UBXN4: variants seen among roughly 807,000 people sequenced by gnomAD.
UBXN4 encodes UBX domain-containing protein 4.
Under a neutral mutation model 66.2 loss-of-function variants are expected in UBXN4, and 35 were observed. The ratio of observed to expected loss-of-function variants is 0.53; its 90% CI spans 0.40 to 0.70. The LOEUF is 0.70. Among genes scored for constraint, UBXN4 ranks in the 30% least tolerant of loss-of-function variants. The pLI is 0.00. For synonymous variants in UBXN4, 203 were observed against 204.5 expected (o/e 0.99, Z 0.06); for missense variants, 533 against 599.8 (o/e 0.89, Z 1.16).
chr2:135,765,106 G>C (rs371300842), intron 6 of UBXN4, among the ~76,000 whole-genome samples: 1 of 151,868 alleles, frequency 6.6e-6, no homozygotes, highest in African/African-American at 2.4e-5. Context: ...GAGCCACCAC[G>C]TCTGGCCAGG....
chr2:135,773,340 C>G (rs1447906169), intron 9 of UBXN4, among the ~76,000 whole-genome samples: 2 of 152,170 alleles, frequency 1.3e-5, no homozygotes, highest in Non-Finnish European at 2.9e-5. Flanking sequence ...GAGAAACTCT[C>G]CAAATGGTGT....
intron 6 of UBXN4, among the ~76,000 whole-genome samples, chr2:135,768,760 G>A (rs543582372): frequency 3.3e-5 from 5 of 150,836 alleles, no homozygotes; most frequent in Admixed American, 6.6e-5. Flanking sequence ...ACAGCGTTTC[G>A]CCGTGTTGGC....
intron 6 of UBXN4, among the ~76,000 whole-genome samples, chr2:135,767,564 G>A (rs1462968503): frequency 1.3e-5 from 2 of 152,088 alleles, no homozygotes; most frequent in Non-Finnish European, 1.5e-5. Context: ...TGTATTTTGA[G>A]GCTTATCCGT....
At chr2:135,776,832 A>G (rs1157680134) in intron 10 of UBXN4, among the ~76,000 whole-genome samples, 1 of 152,042 alleles carries the variant, frequency 6.6e-6, no homozygotes, top group African/African-American at 2.4e-5. Context: ...GGGCTCAAGC[A>G]TTCCTCCCAC....
chr2:135,748,334 A>G lies in UBXN4; in HGVS notation c.150A>G (p.Ser50=). The change falls in exon 2 of 13, where the codon TCA becomes TCG. Residue 50 remains serine (S), a synonymous_variant. Coordinates refer to ENST00000272638, the MANE Select transcript of UBXN4 (RefSeq NM_014607.4). ...ATGATAAAGTTACAGAAGCATCTTC[A>G]AACAGTTTTGTTGCTATTAAAATCG... ...WEDDKVTEAS[S]NSFVAIKIDT... 4 of 1,607,244 alleles carry G rather than the reference A, an allele frequency of 2.5e-6. No homozygotes were observed. The highest frequency in any genetic ancestry group is 3.4e-6 in the Non-Finnish European group (4 of 1,176,558).
intron 2 of UBXN4, among the ~76,000 whole-genome samples, chr2:135,752,378 C>T (rs111689113): frequency 3.3e-5 from 5 of 152,072 alleles, no homozygotes; most frequent in Admixed American, 6.5e-5. Context: ...GACAGGGTTT[C>T]GCCATGTTGG....
At chr2:135,744,138 C>T (rs987547007) in intron 1 of UBXN4, among the ~76,000 whole-genome samples, 13 of 152,204 alleles carry the variant, frequency 8.5e-5, no homozygotes, top group Non-Finnish European at 1.3e-4. Context: ...GAGCTTTCTT[C>T]ATAACTCTGA....
Position 135,755,500 on chromosome 2 carries a change from A to G in UBXN4, c.334-17A>G, listed in dbSNP as rs771220594. On this transcript the variant is annotated splice_polypyrimidine_tract_variant and intron_variant, in intron 4 of 12. Transcript: ENST00000272638. ...ATTCTTATCTATTAATTAAAATCCA[A>G]TTTATTTTCTGCCTAGATGCATTTG... is the stretch of plus-strand genomic sequence containing the variant. 3.9e-6 allele frequency: 6 copies of G among 1,539,828 alleles called. No homozygotes were observed. Among genetic ancestry groups the G allele is most frequent in the African/African-American group, 1.4e-5 (1 of 72,412 alleles).
chr2:135,771,151 C>T (rs553090370), intron 8 of UBXN4, among the ~76,000 whole-genome samples: 1 of 152,114 alleles, frequency 6.6e-6, no homozygotes, highest in Admixed American at 6.5e-5. Context: ...TAGTTTGCAA[C>T]AATTGCTTTT....
rs1220594602 is a variant in UBXN4 at position 135,752,850 on chromosome 2, AGCCG to A, written c.186-687_186-684del. ...ATTCTCTTGCCTCAGCCTCCTGAGT[AGCCG>A]GGATTACAGGTGTGTGCCACCACGC... On this transcript the variant is annotated intron_variant, in intron 2 of 12. Transcript: ENST00000272638. 4.0e-5 allele frequency among the ~76,000 whole-genome samples: 6 copies of A among 151,218 alleles called. No individual in the cohort carries two copies. In the East Asian group the frequency reaches 1.2e-3, roughly 30 times the overall value.
At chr2:135,771,023 C>T (rs1459171901) in intron 8 of UBXN4, among the ~76,000 whole-genome samples, 2 of 151,900 alleles carry the variant, frequency 1.3e-5, no homozygotes, top group Admixed American at 6.6e-5. Flanking sequence ...CTAGTACCTA[C>T]TACTAGTACT....
At chr2:135,765,034 G>A (rs1381375095) in intron 6 of UBXN4, among the ~76,000 whole-genome samples, 2 of 152,026 alleles carry the variant, frequency 1.3e-5, no homozygotes, top group Admixed American at 6.6e-5. Flanking sequence ...GGCTGGTCTC[G>A]AACTCCTGGC....
At chr2:135,778,306 G>A (rs4954623) in intron 10 of UBXN4, among the ~76,000 whole-genome samples, 121,318 of 151,420 alleles carry the variant, frequency 0.8, 48,892 homozygotes, top group Non-Finnish European at 0.84. Flanking sequence ...AAAAAAATAC[G>A]AAAAACAAGT....
chr2:135,775,970 C>T (rs988397351), intron 9 of UBXN4, among the ~76,000 whole-genome samples: 4 of 152,128 alleles, frequency 2.6e-5, no homozygotes, highest in Admixed American at 6.6e-5. Flanking sequence ...GGTTTCACCA[C>T]GTTGGCCCGG....
At chr2:135,776,477 C>T (rs1246350914) in intron 10 of UBXN4, 126 bp downstream of exon 10, 7 of 693,026 alleles carry the variant, frequency 1.0e-5, no homozygotes, top group Admixed American at 2.9e-5. Flanking sequence ...AGGCACAAGA[C>T]GCCTCTGAGA....
Position 135,780,400 on chromosome 2 carries a change from T to G in UBXN4, c.1388+15T>G. ...TCAGAAAAAAGGTATCTGTGTGTGTTTTCCCCATTTATAAAATATGTAAGT... is the reference window on the plus strand; with the variant it reads ...TCAGAAAAAAGGTATCTGTGTGTGTGTTCCCCATTTATAAAATATGTAAGT... On this transcript the variant is annotated intron_variant, in intron 12 of 12. Coordinates refer to ENST00000272638, the MANE Select transcript of UBXN4 (RefSeq NM_014607.4). The G allele has an allele frequency of 6.2e-7, 1 of 1,610,538 alleles. No individual in the cohort carries two copies.
At chr2:135,760,582 G>T (rs1464272413) in intron 5 of UBXN4, among the ~76,000 whole-genome samples, 1 of 152,078 alleles carries the variant, frequency 6.6e-6, no homozygotes, top group African/African-American at 2.4e-5. Flanking sequence ...TCACCTAACT[G>T]TACTCTTATT....
intron 10 of UBXN4, among the ~76,000 whole-genome samples, chr2:135,777,221 G>A (rs1172108341): frequency 1.3e-5 from 2 of 152,116 alleles, no homozygotes; most frequent in Non-Finnish European, 2.9e-5. Context: ...TTCCCTGATT[G>A]ATTCCTTATT....
chr2:135,781,369 T>A (rs9677760), intron 12 of UBXN4, among the ~76,000 whole-genome samples: 114,946 of 152,218 alleles, frequency 0.76, 43,812 homozygotes, highest in Non-Finnish European at 0.79. Flanking sequence ...AGAAAGTAAG[T>A]TTATGCCCCT....
Sources: allele counts gnomAD v4.1 joint callset (sites outside exome capture counted in the v4.1 genomes callset), GRCh38; gene constraint gnomAD v4.1.1; transcripts MANE v1.5; gene names NCBI Gene and HGNC (gene_info 2026-07-23, HGNC 2026-07-21).